AGTPBP1: variants seen among roughly 807,000 people sequenced by gnomAD.
The protein encoded by AGTPBP1 is ATP/GTP binding carboxypeptidase 1, also known as cytosolic carboxypeptidase 1.
A neutral mutation model predicts 143.9 loss-of-function variants in AGTPBP1; 70 were observed. That is an observed-to-expected ratio of 0.49 (90% CI 0.40 to 0.59). The LOEUF (loss-of-function observed/expected upper bound fraction) is 0.59. Among genes scored for constraint, AGTPBP1 ranks in the 20% least tolerant of loss-of-function variants. The pLI, the probability that AGTPBP1 is intolerant of heterozygous loss-of-function variation, is 0.00. For synonymous variants in AGTPBP1, 463 were observed against 500.2 expected (o/e 0.93, Z 0.99); for missense variants, 1,229 against 1,464.5 (o/e 0.84, Z 2.62).
At chr9:85,707,332 G>C (rs1411661868) in intron 2 of AGTPBP1, among the ~76,000 whole-genome samples, 1 of 151,654 alleles carries the variant, frequency 6.6e-6, no homozygotes, top group Non-Finnish European at 1.5e-5. Flanking sequence ...TAAAAAATAA[G>C]AAAAAAAGAG....
chr9:85,607,298 T>C (rs573430646), intron 17 of AGTPBP1, among the ~76,000 whole-genome samples: 11 of 152,188 alleles, frequency 7.2e-5, no homozygotes, highest in Middle Eastern at 3.4e-3. Flanking sequence ...ACAATTATTA[T>C]TACATTACAT....
the AGTPBP1 span, among the ~76,000 whole-genome samples, chr9:85,805,127 T>C: frequency 6.6e-6 from 1 of 152,108 alleles, no homozygotes; most frequent in African/African-American, 2.4e-5. Context: ...CCGGCCCCCG[T>C]AGCTCCCTTT....
At chr9:85,732,210 CTTTTTTTTTTTT>C (rs144655182) in intron 1 of AGTPBP1, among the ~76,000 whole-genome samples, 20 of 120,988 alleles carry the variant, frequency 1.7e-4, no homozygotes, top group Non-Finnish European at 3.2e-4. Context: ...GACTATGACC[CTTTTTTTTTTTT>C]TTTTTTTTTT....
intron 1 of AGTPBP1, among the ~76,000 whole-genome samples, chr9:85,720,125 TTA>T (rs1475688317): frequency 1.3e-5 from 2 of 152,218 alleles, no homozygotes; most frequent in Non-Finnish European, 2.9e-5. Flanking sequence ...AAATTCTCTT[TTA>T]TTGTTGTGTC....
chr9:85,668,250 T>C (rs1245446765), intron 8 of AGTPBP1, among the ~76,000 whole-genome samples: 2 of 152,108 alleles, frequency 1.3e-5, no homozygotes, highest in Admixed American at 1.3e-4. Context: ...TGTATGCATC[T>C]TGTTTGGATT....
chr9:85,721,230 T>G (rs1838093748), intron 1 of AGTPBP1, among the ~76,000 whole-genome samples: 1 of 152,234 alleles, frequency 6.6e-6, no homozygotes, highest in Non-Finnish European at 1.5e-5. Context: ...TTGTTAACCT[T>G]CTGTCTCATT....
chr9:85,737,295 T>C (rs145140168), intron 1 of AGTPBP1, among the ~76,000 whole-genome samples: 37 of 152,312 alleles, frequency 2.4e-4, no homozygotes, highest in Middle Eastern at 3.4e-3. Flanking sequence ...TGTAACTGAA[T>C]TGACAGCTTG....
At chr9:85,702,853 C>T (rs1324911119) in intron 2 of AGTPBP1, among the ~76,000 whole-genome samples, 1 of 152,106 alleles carries the variant, frequency 6.6e-6, no homozygotes, top group Non-Finnish European at 1.5e-5. Flanking sequence ...TGGATACATG[C>T]TATTGGTTTA....
At chr9:85,761,628 C>A in the AGTPBP1 span, among the ~76,000 whole-genome samples, 10 of 152,032 alleles carry the variant, frequency 6.6e-5, no homozygotes, top group Non-Finnish European at 1.2e-4. Context: ...TTAATTCCAG[C>A]TGGATTAAAG....
At chr9:85,749,665 T>G in the AGTPBP1 span, among the ~76,000 whole-genome samples, 1 of 152,212 alleles carries the variant, frequency 6.6e-6, no homozygotes, top group African/African-American at 2.4e-5. Context: ...TTAAGCTTTT[T>G]AACCACCCAT....
intron 25 of AGTPBP1, among the ~76,000 whole-genome samples, chr9:85,568,074 C>A (rs1827221613): frequency 6.6e-6 from 1 of 151,906 alleles, no homozygotes; most frequent in African/African-American, 2.4e-5. Flanking sequence ...ATGCAAAGAC[C>A]CTAGGGTGAC....
At chr9:85,597,065 C>T (rs1487233175) in intron 17 of AGTPBP1, among the ~76,000 whole-genome samples, 4 of 152,036 alleles carry the variant, frequency 2.6e-5, no homozygotes, top group African/African-American at 9.7e-5. Context: ...TATAGAAAGG[C>T]TGACAATTTT....
At chr9:85,647,165 T>C (rs1335454240) in intron 11 of AGTPBP1, among the ~76,000 whole-genome samples, 2 of 152,168 alleles carry the variant, frequency 1.3e-5, no homozygotes, top group Non-Finnish European at 2.9e-5. Context: ...TAATCCCAGC[T>C]ACTCGGGAGG....
At chr9:85,800,062 C>T in the AGTPBP1 span, among the ~76,000 whole-genome samples, 2 of 152,194 alleles carry the variant, frequency 1.3e-5, no homozygotes, top group African/African-American at 4.8e-5. Flanking sequence ...GTGAATGAAG[C>T]TGGGGGAAAG....
chr9:85,624,621 T>C (rs1440087922), intron 14 of AGTPBP1, among the ~76,000 whole-genome samples: 1 of 152,210 alleles, frequency 6.6e-6, no homozygotes, highest in Non-Finnish European at 1.5e-5. Flanking sequence ...AAACTTCATA[T>C]AAGAAATCCA....
At chr9:85,730,427 T>G (rs1838802354) in intron 1 of AGTPBP1, among the ~76,000 whole-genome samples, 1 of 152,212 alleles carries the variant, frequency 6.6e-6, no homozygotes. Flanking sequence ...TTGGGCTTCC[T>G]AGTTCCAGGG....
chr9:85,741,753 A>C (rs10114338), intron 1 of AGTPBP1, 22 bp downstream of exon 1: 239,981 of 1,303,368 alleles, frequency 0.18, 37,549 homozygotes, highest in East Asian at 0.8. Context: ...CCGGGACATG[A>C]GGACTGCAGC....
At position 85,632,670 on chromosome 9, in the gene AGTPBP1, A is replaced by G. The variant is rs1831755094; in HGVS notation, c.2007T>C (p.Gly669=). Residue 669 remains glycine, a synonymous_variant, in exon 14 of 26, where the codon GGT becomes GGC. Coordinates refer to ENST00000357081, the MANE Select transcript of AGTPBP1 (RefSeq NM_001330701.2). ...FKEPILERPY[G]VQRTKIAQDI... is the part of the protein sequence containing the mutation. The stretch of plus-strand genomic sequence containing the variant: ...AGAAATATGCAACTCACCTTTGTAC[A>G]CCATAAGGCCTTTCTAAAATAGGCT... 1.3e-6 allele frequency: 2 copies of G among 1,596,730 alleles called. No individual in the cohort carries two copies. The highest frequency in any genetic ancestry group is 2.7e-5 in the African/African-American group (2 of 74,342).
chr9:85,718,765 A>G (rs1837893982), intron 1 of AGTPBP1, among the ~76,000 whole-genome samples: 1 of 152,138 alleles, frequency 6.6e-6, no homozygotes, highest in African/African-American at 2.4e-5. Flanking sequence ...CCTCAATGGT[A>G]TTGACTAGGT....
Sources: allele counts gnomAD v4.1 joint callset (sites outside exome capture counted in the v4.1 genomes callset), GRCh38; gene constraint gnomAD v4.1.1; transcripts MANE v1.5; gene names NCBI Gene and HGNC (gene_info 2026-07-23, HGNC 2026-07-21).